The following SOX5 variants were observed in gnomAD, a reference collection of about 807,000 sequenced individuals.
SOX5 encodes transcription factor SOX-5.
SOX5 carries 9 observed loss-of-function variants against 92.0 expected under a neutral mutation model. That is an observed-to-expected ratio of 0.10 (90% CI 0.06 to 0.17). The LOEUF (loss-of-function observed/expected upper bound fraction) is 0.17. Among genes scored for constraint, SOX5 ranks in the 10% least tolerant of loss-of-function variants. SOX5 has a pLI of 1.00. For missense variants in SOX5, 642 were observed against 944.5 expected, an observed-to-expected ratio of 0.68 and a Z score of 4.20; for synonymous variants, 344 against 336.3, an observed-to-expected ratio of 1.02 and a Z score of -0.25.
At chr12:24,154,286 A>C (rs1951944114) in intron 4 of SOX5, among the ~76,000 whole-genome samples, 2 of 152,106 alleles carry the variant, frequency 1.3e-5, no homozygotes, top group Non-Finnish European at 2.9e-5. Flanking sequence ...ACTTGACTTT[A>C]GTTGGTGGTC....
chr12:23,914,677 A>T (rs1300905331), intron 1 of SOX5, among the ~76,000 whole-genome samples: 2 of 152,158 alleles, frequency 1.3e-5, no homozygotes, highest in Non-Finnish European at 2.9e-5. Flanking sequence ...TAGTCTCATT[A>T]TTAATTAAAG....
chr12:24,355,953 T>G (rs1388875251), intron 2 of SOX5, among the ~76,000 whole-genome samples: 1 of 152,202 alleles, frequency 6.6e-6, no homozygotes, highest in Non-Finnish European at 1.5e-5. Context: ...GAGCATTTTT[T>G]TAAAAAATAG....
At chr12:23,916,539 T>G (rs550440628) in intron 1 of SOX5, among the ~76,000 whole-genome samples, 2 of 152,314 alleles carry the variant, frequency 1.3e-5, no homozygotes, top group African/African-American at 2.4e-5. Flanking sequence ...AGCACTGCTG[T>G]GGGTGTACTG....
intron 1 of SOX5, among the ~76,000 whole-genome samples, chr12:24,474,181 A>T (rs1945107355): frequency 6.6e-6 from 1 of 152,236 alleles, no homozygotes; most frequent in African/African-American, 2.4e-5. Flanking sequence ...GTGAAATAAA[A>T]CAATGAGATT....
chr12:23,729,268 C>A (rs998344058), intron 6 of SOX5, among the ~76,000 whole-genome samples: 3 of 152,112 alleles, frequency 2.0e-5, no homozygotes, highest in African/African-American at 7.2e-5. Flanking sequence ...AGGGAGTAAA[C>A]CATCTTCTCA....
chr12:23,561,813 TA>T (rs34791864), intron 11 of SOX5, among the ~76,000 whole-genome samples: 94,497 of 139,054 alleles, frequency 0.68, 31,929 homozygotes, highest in East Asian at 0.88. Flanking sequence ...TTTGGAGGAT[TA>T]AAAAAAAAAA....
Position 24,457,339 on chromosome 12 carries a change from A to T in SOX5, c.-250-88700T>A, listed in dbSNP as rs555460596. On this transcript the variant is annotated intron_variant, in intron 1 of 4. Coordinates refer to the SOX5 transcript ENST00000446891. ...TAAACTTCTAAAACCTGTTTTTTTT[A>T]AAATATATACGTCTGTGAATCACAG... 6.4e-3 allele frequency among the ~76,000 whole-genome samples: 979 copies of T among 152,220 alleles called. 7 individuals carry two copies. The highest frequency in any genetic ancestry group is 0.027 in the Middle Eastern group (8 of 294).
At chr12:23,703,095 C>T (rs542000548) in intron 6 of SOX5, among the ~76,000 whole-genome samples, 1 of 152,144 alleles carries the variant, frequency 6.6e-6, no homozygotes, top group African/African-American at 2.4e-5. Flanking sequence ...GAAAGCCAGG[C>T]TGCACAGCTT....
chr12:23,965,722 A>G (rs1947479453), intron 4 of SOX5, among the ~76,000 whole-genome samples: 1 of 152,062 alleles, frequency 6.6e-6, no homozygotes, highest in African/African-American at 2.4e-5. Context: ...AGGTTCAAGC[A>G]ATTTTCCTGT....
intron 11 of SOX5, among the ~76,000 whole-genome samples, chr12:23,559,992 C>T (rs1465817330): frequency 1.3e-5 from 2 of 152,062 alleles, no homozygotes; most frequent in African/African-American, 4.8e-5. Flanking sequence ...CTCACTGCAA[C>T]CTCCGCCTCC....
Position 24,407,119 on chromosome 12 carries a change from T to A in SOX5, c.-250-38480A>T, listed in dbSNP as rs114783478. On this transcript the variant is annotated intron_variant, in intron 1 of 4. Coordinates refer to the SOX5 transcript ENST00000446891. ...AAAAAAGGGTGGGGGAGCTTTTTAATCCCAAGAGTTTCCTCTGGGCCTGCA... is the reference window on the plus strand; with the variant it reads ...AAAAAAGGGTGGGGGAGCTTTTTAAACCCAAGAGTTTCCTCTGGGCCTGCA... Among the ~76,000 whole-genome samples, 16 of 152,164 alleles carry A rather than the reference T, an allele frequency of 1.1e-4. No individual in the cohort carries two copies. In the South Asian group the frequency reaches 3.1e-3, roughly 30 times the overall value.
intron 3 of SOX5, among the ~76,000 whole-genome samples, chr12:23,763,556 G>C (rs1312377820): frequency 6.6e-6 from 1 of 152,060 alleles, no homozygotes; most frequent in African/African-American, 2.4e-5. Flanking sequence ...AAGGAATGTA[G>C]TAAGTATGAA....
intron 1 of SOX5, among the ~76,000 whole-genome samples, chr12:24,426,565 A>G (rs1966794278): frequency 6.6e-6 from 1 of 152,254 alleles, no homozygotes; most frequent in African/African-American, 2.4e-5. Context: ...TGAGAAATTT[A>G]GAAATTGTAA....
chr12:24,410,263 T>C (rs1322022790), intron 1 of SOX5, among the ~76,000 whole-genome samples: 3 of 152,134 alleles, frequency 2.0e-5, no homozygotes, highest in Admixed American at 6.5e-5. Flanking sequence ...CTCCCAAAGT[T>C]CTGGGATTGC....
At position 24,111,685 on chromosome 12, in the gene SOX5, AT is replaced by A. The variant is rs529130764; in HGVS notation, c.-2+101657del. The stretch of plus-strand genomic sequence containing the variant: ...TCACTAATATTTTATTTAAAAAAAG[AT>A]TTTTCGTCAAATTATCAAAGCTGAA... On this transcript the variant is annotated intron_variant, in intron 4 of 4. Transcript: ENST00000446891. Among the ~76,000 whole-genome samples the A allele has an allele frequency of 1.6e-3, 240 of 152,196 alleles. 2 individuals are homozygous for A. The highest frequency in any genetic ancestry group is 5.7e-3 in the African/African-American group (237 of 41,516).
intron 1 of SOX5, among the ~76,000 whole-genome samples, chr12:24,501,382 A>AAC (rs1326740469): frequency 6.6e-6 from 1 of 152,060 alleles, no homozygotes; most frequent in Non-Finnish European, 1.5e-5. Context: ...AGTGCAAAAA[A>AAC]AAAAAAAAAA....
At chr12:23,731,564 T>C (rs2140856047) in intron 6 of SOX5, among the ~76,000 whole-genome samples, 1 of 152,282 alleles carries the variant, frequency 6.6e-6, no homozygotes, top group Non-Finnish European at 1.5e-5. Flanking sequence ...GACATCTAAA[T>C]TGACTTCTCC....
rs527830129 is a variant in SOX5 at position 24,542,718 on chromosome 12, T to C, written c.-251+19611A>G. Among the ~76,000 whole-genome samples the C allele has an allele frequency of 3.3e-5, 5 of 152,356 alleles. No homozygotes were observed. In the East Asian group the frequency reaches 9.6e-4, roughly 29 times the overall value. On this transcript the variant is annotated intron_variant, in intron 1 of 4. Transcript: ENST00000446891. ...TATAAGGGCAAAAATGAATGTTTTATTGACACCAAATTGAATGCTTTGTAA... is the reference window on the plus strand; with the variant it reads ...TATAAGGGCAAAAATGAATGTTTTACTGACACCAAATTGAATGCTTTGTAA...
intron 6 of SOX5, among the ~76,000 whole-genome samples, chr12:23,670,107 T>C (rs1374433987): frequency 2.0e-5 from 3 of 152,078 alleles, no homozygotes; most frequent in African/African-American, 4.8e-5. Flanking sequence ...ATGAAGAGTA[T>C]GGTATAACAA....
Sources: allele counts gnomAD v4.1 joint callset (sites outside exome capture counted in the v4.1 genomes callset), GRCh38; gene constraint gnomAD v4.1.1; transcripts MANE v1.5; gene names NCBI Gene and HGNC (gene_info 2026-07-23, HGNC 2026-07-21).